Variants in ST8SIA5 observed in about 807,000 individuals in gnomAD.
The protein encoded by ST8SIA5 is alpha-2,8-sialyltransferase 8E.
A neutral mutation model predicts 40.2 loss-of-function variants in ST8SIA5; 24 were observed. The observed-to-expected ratio is 0.60, with a 90% confidence interval of 0.43 to 0.84. The LOEUF is 0.84. ST8SIA5 is among the 40% of genes least tolerant of loss of function. The pLI is 0.00. For missense variants in ST8SIA5, 465 were observed against 498.5 expected, an observed-to-expected ratio of 0.93 and a Z score of 0.64; for synonymous variants, 198 against 201.8, an observed-to-expected ratio of 0.98 and a Z score of 0.16.
chr18:46,687,427 T>C (rs1178330940), intron 4 of ST8SIA5, among the ~76,000 whole-genome samples: 2 of 152,196 alleles, frequency 1.3e-5, no homozygotes, highest in African/African-American at 4.8e-5. Context: ...GCTGTCTGTC[T>C]CTGGCCTTCA....
Position 46,704,524 on chromosome 18 carries a change from C to A in ST8SIA5, c.224+48G>T, listed in dbSNP as rs115662386. The A allele has an allele frequency of 2.2e-3, 3,441 of 1,529,610 alleles. 83 individuals are homozygous for A. The African/African-American group carries it at 0.042, about 18-fold the overall frequency. The allele number at this position is 1,529,610 out of a possible 1,614,324, so 94.8% of individuals were successfully genotyped here. ...CCCACGCACTCACCCCCAACCCCTG[C>A]CCCACCTCCACATGCTCCCTGCACC... On this transcript the variant is annotated intron_variant, in intron 2 of 6. Coordinates refer to ENST00000315087, the MANE Select transcript of ST8SIA5 (RefSeq NM_013305.6).
intron 2 of ST8SIA5, among the ~76,000 whole-genome samples, chr18:46,703,162 T>C (rs1234507906): frequency 1.3e-5 from 2 of 152,230 alleles, no homozygotes; most frequent in African/African-American, 2.4e-5. Context: ...ATTTTATTTT[T>C]TGAGACGGAG....
At chr18:46,695,741 T>A (rs1205841240) in intron 2 of ST8SIA5, among the ~76,000 whole-genome samples, 1 of 152,196 alleles carries the variant, frequency 6.6e-6, no homozygotes, top group African/African-American at 2.4e-5. Flanking sequence ...TCACTGTAAC[T>A]CAAGTGCTAA....
chr18:46,694,819 T>C (rs1390498210), intron 2 of ST8SIA5, among the ~76,000 whole-genome samples: 1 of 149,480 alleles, frequency 6.7e-6, no homozygotes, highest in African/African-American at 2.5e-5. Flanking sequence ...TTCAGGTTCC[T>C]ACAGGGGTCC....
intron 1 of ST8SIA5, among the ~76,000 whole-genome samples, chr18:46,755,861 T>G (rs1178629241): frequency 6.6e-6 from 1 of 152,166 alleles, no homozygotes; most frequent in Non-Finnish European, 1.5e-5. Context: ...CCCTGTCGCA[T>G]AGCCACAGCC....
intron 1 of ST8SIA5, among the ~76,000 whole-genome samples, chr18:46,743,706 T>C (rs1208950116): frequency 6.6e-6 from 1 of 151,890 alleles, no homozygotes; most frequent in Non-Finnish European, 1.5e-5. Context: ...ATTCAGGAAA[T>C]ACAGAGAACA....
chr18:46,689,037 C>T (rs192658929), intron 3 of ST8SIA5, 118 bp from the exon 4 acceptor site: 17 of 1,266,450 alleles, frequency 1.3e-5, no homozygotes, highest in Non-Finnish European at 1.8e-5. Flanking sequence ...CTCACCTATC[C>T]CACGCTTGCC....
In ST8SIA5 at chr18:46,715,553, A is replaced by AT. The variant is rs36007614; in HGVS notation, c.132-10890dup. On this transcript the variant is annotated intron_variant, in intron 1 of 6. Coordinates refer to ENST00000315087, the MANE Select transcript of ST8SIA5 (RefSeq NM_013305.6). ...GACAACAGTTGCACAGAAGTGATCTATTTTTTTTTTTTTTTAATTTTTTGA... is the reference window on the plus strand; with the variant it reads ...GACAACAGTTGCACAGAAGTGATCTATTTTTTTTTTTTTTTTAATTTTTTGA... Among the ~76,000 whole-genome samples the AT allele has an allele frequency of 5.2e-3, 763 of 146,348 alleles. 3 individuals carry two copies. The highest frequency in any genetic ancestry group is 8.9e-3 in the South Asian group (40 of 4,496).
In ST8SIA5 at chr18:46,680,321, GT is replaced by G; in HGVS notation, c.851del (p.Asn284ThrfsTer43). On this transcript the variant is annotated frameshift_variant, in exon 7 of 7. Coordinates refer to ENST00000315087, the MANE Select transcript of ST8SIA5 (RefSeq NM_013305.6). LOFTEE classifies it high-confidence loss of function. ...VYYFHPQYLV[N>X]VSRYWLSLGV... ...CCAGGCTGAGCCAGTAGCGCGACAC[GT>G]TGACCAGGTACTGCGGATGGAAGTA... 2 of 1,614,242 alleles carry G rather than the reference GT, an allele frequency of 1.2e-6. No individual in the cohort carries two copies. The highest frequency in any genetic ancestry group is 1.7e-6 in the Non-Finnish European group (2 of 1,180,046).
intron 1 of ST8SIA5, among the ~76,000 whole-genome samples, chr18:46,705,924 C>T (rs943923250): frequency 1.3e-5 from 2 of 152,174 alleles, no homozygotes; most frequent in Admixed American, 6.5e-5. Context: ...TCATTTCGCA[C>T]GTACCCTTAC....
At chr18:46,681,404 A>G (rs555592181) in intron 6 of ST8SIA5, among the ~76,000 whole-genome samples, 12 of 151,898 alleles carry the variant, frequency 7.9e-5, no homozygotes, top group African/African-American at 2.9e-4. Context: ...CTCATCTCCC[A>G]CTGTCCCCTC....
chr18:46,726,007 A>C (rs1484621817), intron 1 of ST8SIA5, among the ~76,000 whole-genome samples: 10 of 65,298 alleles, frequency 1.5e-4, no homozygotes, highest in East Asian at 9.0e-4. Flanking sequence ...ATATATATAT[A>C]TATCCTGGAT....
At chr18:46,693,001 C>T (rs1022205643) in intron 2 of ST8SIA5, among the ~76,000 whole-genome samples, 4 of 151,856 alleles carry the variant, frequency 2.6e-5, no homozygotes, top group Non-Finnish European at 5.9e-5. Flanking sequence ...CTTATCCATT[C>T]CCTCCCCTGA....
intron 5 of ST8SIA5, among the ~76,000 whole-genome samples, chr18:46,683,974 C>T (rs979814595): frequency 6.6e-6 from 1 of 151,954 alleles, no homozygotes; most frequent in Non-Finnish European, 1.5e-5. Flanking sequence ...AGGTCTCGTT[C>T]CTAGTGCAAT....
chr18:46,733,821 G>T (rs970168762), intron 1 of ST8SIA5, among the ~76,000 whole-genome samples: 3 of 152,150 alleles, frequency 2.0e-5, no homozygotes, highest in Non-Finnish European at 4.4e-5. Context: ...CCAGGGGCAG[G>T]GTGGCCAGTG....
chr18:46,744,436 T>C (rs988055497), intron 1 of ST8SIA5, among the ~76,000 whole-genome samples: 1 of 149,644 alleles, frequency 6.7e-6, no homozygotes, highest in South Asian at 2.1e-4. Flanking sequence ...TAAAACAGAC[T>C]TTAAGCCAAC....
At chr18:46,745,976 T>C (rs1360356142) in intron 1 of ST8SIA5, among the ~76,000 whole-genome samples, 4 of 152,186 alleles carry the variant, frequency 2.6e-5, no homozygotes, top group Non-Finnish European at 4.4e-5. Context: ...CACATGATTA[T>C]CTCAATGGAT....
Position 46,680,330 on chromosome 18 carries a change from G to C in ST8SIA5, c.843C>G (p.Tyr281Ter). ...GCCAGTAGCGCGACACGTTGACCAG[G>C]TACTGCGGATGGAAGTAGTAGACAG... is the stretch of plus-strand genomic sequence containing the variant. ...PQAVYYFHPQ[Y>*]LVNVSRYWLS... The change falls in exon 7 of 7, where the codon TAC becomes TAG. Residue 281 changes from tyrosine (Y) to a stop codon, truncating the protein, a stop_gained. Transcript: ENST00000315087. LOFTEE classifies it high-confidence loss of function. 1 of 1,614,246 alleles carries C rather than the reference G, an allele frequency of 6.2e-7. No individual in the cohort carries two copies. Among genetic ancestry groups the C allele is most frequent in the Non-Finnish European group, 8.5e-7 (1 of 1,180,038 alleles).
intron 1 of ST8SIA5, among the ~76,000 whole-genome samples, chr18:46,737,926 A>G (rs1460113641): frequency 6.6e-6 from 1 of 151,930 alleles, no homozygotes; most frequent in African/African-American, 2.4e-5. Context: ...ATGCACCACC[A>G]CGCCCGAATA....
Sources: gnomAD v4.1 joint callset for allele counts (sites outside exome capture counted in the v4.1 genomes callset) on GRCh38, gnomAD v4.1.1 for gene constraint, MANE v1.5 for transcripts, NCBI Gene and HGNC (gene_info 2026-07-23, HGNC 2026-07-21) for gene names.